TEX264: variants seen among roughly 807,000 people sequenced by gnomAD.
The protein encoded by TEX264 is testis-expressed protein 264.
TEX264 carries 13 observed loss-of-function variants against 23.4 expected under a neutral mutation model. The ratio of observed to expected loss-of-function variants is 0.56; its 90% CI spans 0.36 to 0.88. The LOEUF is 0.88. Ranked by LOEUF, TEX264 falls within the 40% of genes least tolerant of loss-of-function variation. The probability of loss-of-function intolerance (pLI) is 0.01; values close to 1 mark genes in which losing one functional copy is unlikely to be tolerated. For missense variants in TEX264, 340 were observed against 406.8 expected, an observed-to-expected ratio of 0.84 and a Z score of 1.41; for synonymous variants, 159 against 170.0, an observed-to-expected ratio of 0.94 and a Z score of 0.50.
Position 51,674,364 on chromosome 3 carries a change from G to C in TEX264, c.60G>C (p.Thr20=), listed in dbSNP as rs762843579. The stretch of plus-strand genomic sequence containing the variant: ...GCCTGACTCTCTTACTGCTGCTGAC[G>C]CTGCTGGCCTTTGCCGGGTACTCAG... The part of the protein sequence containing the change: ...IGGLTLLLLL[T]LLAFAGYSGL... Residue 20 remains threonine (T), a synonymous_variant, in exon 2 of 5, where the codon ACG becomes ACC. Transcript: ENST00000341333. 1.2e-6 allele frequency: 2 copies of C among 1,614,092 alleles called. No individual in the cohort carries two copies.
At chr3:51,695,499 A>G (rs1303115492) in intron 3 of TEX264, among the ~76,000 whole-genome samples, 1 of 152,228 alleles carries the variant, frequency 6.6e-6, no homozygotes. Flanking sequence ...TCCTGAATAC[A>G]AAGCACTAAA....
At chr3:51,688,668 T>G (rs1312181444) in intron 3 of TEX264, among the ~76,000 whole-genome samples, 1 of 151,958 alleles carries the variant, frequency 6.6e-6, no homozygotes, top group South Asian at 2.1e-4. Context: ...GGCTGGGGAG[T>G]GCAGGTGGCC....
At chr3:51,684,743 C>A (rs1702555321) in intron 3 of TEX264, 109 bp downstream of exon 3, 1 of 1,035,358 alleles carries the variant, frequency 9.7e-7, no homozygotes, top group Non-Finnish European at 1.4e-6. Context: ...GAGAGCAGCA[C>A]CCTGGGGCCC....
intron 3 of TEX264, among the ~76,000 whole-genome samples, chr3:51,695,551 C>T (rs558510918): frequency 9.9e-5 from 15 of 152,244 alleles, no homozygotes; most frequent in Non-Finnish European, 1.8e-4. Flanking sequence ...TACCTCTTTT[C>T]TTCCTCTCCC....
chr3:51,690,386 G>T (rs1158575983), intron 3 of TEX264, among the ~76,000 whole-genome samples: 1 of 152,106 alleles, frequency 6.6e-6, no homozygotes, highest in Non-Finnish European at 1.5e-5. Context: ...ACAAAAATCA[G>T]CTGGGCTTGG....
intron 1 of TEX264, among the ~76,000 whole-genome samples, chr3:51,672,554 G>A (rs550442119): frequency 1.3e-5 from 2 of 152,314 alleles, no homozygotes; most frequent in South Asian, 4.1e-4. Context: ...CCTAGATGCT[G>A]AGAGTTTTCC....
At chr3:51,700,891 C>T (rs1045166872) in intron 4 of TEX264, among the ~76,000 whole-genome samples, 2 of 152,112 alleles carry the variant, frequency 1.3e-5, no homozygotes, top group East Asian at 1.9e-4. Flanking sequence ...GACACCCCAG[C>T]GGGACTCGGT....
intron 3 of TEX264, among the ~76,000 whole-genome samples, chr3:51,692,928 G>C (rs542695224): frequency 6.6e-6 from 1 of 152,400 alleles, no homozygotes; most frequent in Non-Finnish European, 1.5e-5. Flanking sequence ...GAAGGCCAGA[G>C]CAGGGCTGAA....
intron 2 of TEX264, chr3:51,683,049 A>G (rs913860999): frequency 4.6e-5 from 7 of 153,482 alleles, no homozygotes; most frequent in African/African-American, 1.7e-4. Context: ...TAATGACTTC[A>G]CAGTGCTGGG....
rs536740560 is a variant in TEX264 at position 51,703,640 on chromosome 3, G to A, written c.650-84G>A. ...GCCCGGGAGGCTGCATTATTCATGA[G>A]TGCACTGCGTGCTGAGTTGCCTCTC... On this transcript the variant is annotated intron_variant, in intron 4 of 4. Transcript: ENST00000341333. This position sits in a 1 kb window ranked among gnomAD's most constrained non-coding sequence, Gnocchi z 4.8. 2 of 1,413,120 alleles carry A rather than the reference G, an allele frequency of 1.4e-6. No individual in the cohort carries two copies. The highest frequency in any genetic ancestry group is 2.3e-5 in the East Asian group (1 of 43,194). The allele number at this position is 1,413,120 out of a possible 1,614,324, so 87.5% of individuals were successfully genotyped here.
chr3:51,671,364 C>T (rs1233325891), intron 1 of TEX264, 76 bp downstream of exon 1: 2 of 152,558 alleles, frequency 1.3e-5, no homozygotes, highest in East Asian at 1.9e-4. Context: ...CCTGGCGCGA[C>T]CTCAGGACTC....
At position 51,684,505 on chromosome 3, in the gene TEX264, A is replaced by G. The variant is rs771698875; in HGVS notation, c.351A>G (p.Lys117=). ...CTGAGCTCATCGACCTCTACCAGAA[A>G]TTTGGCTTCAAGGTGTTCTCCTTCC... ...PSPELIDLYQ[K]FGFKVFSFPA... Residue 117 remains lysine (K), a synonymous_variant, in exon 3 of 5, where the codon AAA becomes AAG. Transcript: ENST00000341333. The G allele has an allele frequency of 3.1e-6, 5 of 1,614,148 alleles. No individual in the cohort carries two copies. The South Asian group carries it at 5.5e-5, about 18-fold the overall frequency.
intron 2 of TEX264, chr3:51,684,081 T>G (rs1577505172): frequency 6.4e-6 from 2 of 312,346 alleles, no homozygotes; most frequent in Admixed American, 4.8e-5. Flanking sequence ...ATGTGGAGGG[T>G]GATGGTTCAG....
chr3:51,678,034 G>T (rs192011975), intron 2 of TEX264, among the ~76,000 whole-genome samples: 1 of 152,184 alleles, frequency 6.6e-6, no homozygotes, highest in African/African-American at 2.4e-5. Context: ...AAGGGATGGG[G>T]TATGAGTTCA....
At chr3:51,687,062 C>T (rs926764817) in intron 3 of TEX264, among the ~76,000 whole-genome samples, 3 of 152,216 alleles carry the variant, frequency 2.0e-5, no homozygotes, top group Non-Finnish European at 2.9e-5. Context: ...CCCATGGGAG[C>T]CTGTCAGCTG....
intron 3 of TEX264, among the ~76,000 whole-genome samples, chr3:51,689,728 G>A (rs1270787573): frequency 6.6e-6 from 1 of 152,218 alleles, no homozygotes. Flanking sequence ...CTGGGCAGAT[G>A]CCACCTCCAG....
At chr3:51,687,131 T>C (rs1168973750) in intron 3 of TEX264, among the ~76,000 whole-genome samples, 2 of 152,152 alleles carry the variant, frequency 1.3e-5, no homozygotes, top group Non-Finnish European at 2.9e-5. Flanking sequence ...AGCAAGGGGC[T>C]TCTCCCAGAG....
At chr3:51,673,477 C>T (rs1274064049) in intron 1 of TEX264, among the ~76,000 whole-genome samples, 1 of 151,768 alleles carries the variant, frequency 6.6e-6, no homozygotes, top group Non-Finnish European at 1.5e-5. Flanking sequence ...TCCTGCTGTG[C>T]GACTCCCCTT....
Position 51,704,082 on chromosome 3 carries a change from C to A in TEX264, c.*66C>A. The A allele has an allele frequency of 7.6e-7, 1 of 1,309,812 alleles. No individual in the cohort carries two copies. The highest frequency in any genetic ancestry group is 2.4e-5 in the South Asian group (1 of 41,586). 81.1% of individuals were successfully genotyped at this position (1,309,812 alleles called of 1,614,324 possible). ...CTGAGCAGACTCTCCAGCAGACTCT[C>A]CAGCCCTCTTCCTCCTTCCTCTGGG... On this transcript the variant is annotated 3_prime_UTR_variant, in exon 5 of 5. Coordinates refer to ENST00000341333, the MANE Select transcript of TEX264 (RefSeq NM_015926.6).
Sources: allele counts gnomAD v4.1 joint callset (sites outside exome capture counted in the v4.1 genomes callset), GRCh38; gene constraint gnomAD v4.1.1; non-coding constraint Gnocchi (gnomAD v3.1); transcripts MANE v1.5; gene names NCBI Gene and HGNC (gene_info 2026-07-23, HGNC 2026-07-21).